Variants in SPATS2 observed in about 807,000 individuals in gnomAD.
SPATS2 encodes the protein spermatogenesis-associated serine-rich protein 2.
SPATS2 carries 38 observed loss-of-function variants against 63.7 expected under a neutral mutation model. That is an observed-to-expected ratio of 0.60 (90% CI 0.46 to 0.78). SPATS2 has a LOEUF of 0.78. SPATS2 is among the 30% of genes least tolerant of loss of function. The pLI is 0.00. For synonymous variants in SPATS2, 207 were observed against 232.9 expected (o/e 0.89, Z 1.01); for missense variants, 588 against 666.2 (o/e 0.88, Z 1.29).
At chr12:49,415,848 A>G (rs890270402) in intron 2 of SPATS2, among the ~76,000 whole-genome samples, 3 of 152,176 alleles carry the variant, frequency 2.0e-5, no homozygotes, top group African/African-American at 7.2e-5. Context: ...AACAGGCAGC[A>G]GGTTGAATTT....
chr12:49,399,494 C>T (rs1944568277), intron 2 of SPATS2, among the ~76,000 whole-genome samples: 1 of 152,148 alleles, frequency 6.6e-6, no homozygotes, highest in East Asian at 1.9e-4. Flanking sequence ...GAAGTAAACC[C>T]ACCATACAGA....
Position 49,473,277 on chromosome 12 carries a change from G to A in SPATS2, c.26-11313G>A, listed in dbSNP as rs12296505. ...CTAAAAATAAAAAAATTAGCTGGAC[G>A]TGGTAACATATGCCTGTAATCCCAG... On this transcript the variant is annotated intron_variant, in intron 3 of 13. Transcript: ENST00000552918. Among the ~76,000 whole-genome samples the A allele has an allele frequency of 5.5e-3, 834 of 152,088 alleles. 5 individuals carry two copies. The highest frequency in any genetic ancestry group is 0.019 in the African/African-American group (800 of 41,474).
At chr12:49,442,237 T>C (rs1945431550) in intron 2 of SPATS2, among the ~76,000 whole-genome samples, 1 of 152,188 alleles carries the variant, frequency 6.6e-6, no homozygotes, top group South Asian at 2.1e-4. Flanking sequence ...AAAAATCACT[T>C]ACACTTAATA....
At position 49,519,182 on chromosome 12, in the gene SPATS2, G is replaced by A. The variant is rs750861912; in HGVS notation, c.1008G>A (p.Lys336=). 1.2e-6 allele frequency: 2 copies of A among 1,610,322 alleles called. No individual in the cohort carries two copies. Among genetic ancestry groups the A allele is most frequent in the Non-Finnish European group, 1.7e-6 (2 of 1,178,238 alleles). The change falls in exon 11 of 14, where the codon AAG becomes AAA. Residue 336 remains lysine, a splice_region_variant and synonymous_variant. Transcript: ENST00000552918. ...QQLVELRADI[K]HFVSERKYDE... ...TGGTTGAGCTCAGAGCTGATATCAA[G>A]GTAAAACTTCTTTCTGCTTTCTGCC... is the stretch of plus-strand genomic sequence containing the variant.
intron 9 of SPATS2, among the ~76,000 whole-genome samples, chr12:49,505,655 G>A (rs57970210): frequency 0.014 from 2,121 of 152,142 alleles, 47 homozygotes; most frequent in African/African-American, 0.047. Context: ...ATATTTTACT[G>A]AACATGTTCA....
chr12:49,389,895 A>G (rs1944390289), intron 2 of SPATS2: 1 of 821,010 alleles, frequency 1.2e-6, no homozygotes, highest in Non-Finnish European at 2.2e-6. Flanking sequence ...AATGAAGTTA[A>G]CAAAAGCAGC....
At chr12:49,429,270 A>T (rs1387344418) in intron 2 of SPATS2, among the ~76,000 whole-genome samples, 8 of 152,214 alleles carry the variant, frequency 5.3e-5, no homozygotes, top group Admixed American at 5.2e-4. Flanking sequence ...TTTTATTAAA[A>T]AAATTAATTG....
chr12:49,490,657 A>T, intron 5 of SPATS2, 25 bp from the exon 6 acceptor site: 1 of 1,612,474 alleles, frequency 6.2e-7, no homozygotes, highest in Non-Finnish European at 8.5e-7. Flanking sequence ...TAGGAGACAA[A>T]ATCTGTAATT....
chr12:49,377,384 A>G (rs1944127189), intron 2 of SPATS2, among the ~76,000 whole-genome samples: 1 of 152,208 alleles, frequency 6.6e-6, no homozygotes, highest in Admixed American at 6.5e-5. Context: ...GCCTGATGAA[A>G]AAGCTTCTGA....
At chr12:49,463,129 G>C (rs1308091844) in intron 3 of SPATS2, 1 of 151,898 alleles carries the variant, frequency 6.6e-6, no homozygotes, top group East Asian at 1.9e-4. Flanking sequence ...ACATAGGCCG[G>C]GTCTGGTGGC....
At chr12:49,518,764 A>G (rs532326886) in intron 10 of SPATS2, among the ~76,000 whole-genome samples, 129 of 152,356 alleles carry the variant, frequency 8.5e-4, no homozygotes, top group African/African-American at 2.8e-3. Context: ...CTTACTCTAG[A>G]TGAATATTTT....
At chr12:49,416,564 T>C (rs1034945985) in intron 2 of SPATS2, among the ~76,000 whole-genome samples, 8 of 152,130 alleles carry the variant, frequency 5.3e-5, no homozygotes, top group Non-Finnish European at 8.8e-5. Flanking sequence ...CTCAGCTCAC[T>C]GTAACCTCCG....
chr12:49,372,076 T>C (rs1944008225), intron 2 of SPATS2, among the ~76,000 whole-genome samples: 1 of 151,976 alleles, frequency 6.6e-6, no homozygotes, highest in South Asian at 2.1e-4. Context: ...GAGACAGTCT[T>C]GTTCTGTCGC....
intron 2 of SPATS2, among the ~76,000 whole-genome samples, chr12:49,372,083 T>C (rs975165623): frequency 6.6e-6 from 1 of 152,110 alleles, no homozygotes; most frequent in Non-Finnish European, 1.5e-5. Context: ...TCTTGTTCTG[T>C]CGCCCAGGCT....
At chr12:49,488,836 C>A (rs1349620825) in intron 4 of SPATS2, among the ~76,000 whole-genome samples, 3 of 151,942 alleles carry the variant, frequency 2.0e-5, no homozygotes, top group Non-Finnish European at 2.9e-5. Flanking sequence ...TGCAAAAGCA[C>A]GTATGGAAAT....
intron 2 of SPATS2, among the ~76,000 whole-genome samples, chr12:49,401,336 T>C (rs1198006951): frequency 3.3e-5 from 5 of 152,136 alleles, no homozygotes. Flanking sequence ...AAAGCCACAT[T>C]TAGCTGCATG....
At position 49,455,113 on chromosome 12, in the gene SPATS2, A is replaced by T. The variant is rs11836969; in HGVS notation, c.-243-5657A>T. 7.5e-3 allele frequency among the ~76,000 whole-genome samples: 1,147 copies of T among 152,146 alleles called. 10 individuals carry two copies. The highest frequency in any genetic ancestry group is 0.026 in the African/African-American group (1,075 of 41,490). ...GGTTTTGTTTTTTTAATTAAAAAAAATTTTAAAGTCTGGCTTGCTGAAGTT... is the reference window on the plus strand; with the variant it reads ...GGTTTTGTTTTTTTAATTAAAAAAATTTTTAAAGTCTGGCTTGCTGAAGTT... On this transcript the variant is annotated intron_variant, in intron 2 of 13. Transcript: ENST00000552918.
Position 49,519,086 on chromosome 12 carries a change from C to T in SPATS2, c.912C>T (p.Leu304=). Residue 304 remains leucine, a synonymous_variant, in exon 11 of 14, where the codon CTC becomes CTT. Transcript: ENST00000552918. The part of the protein sequence containing the change: ...KVKAEAMEIL[L]SRQKKAELLK... Reference sequence around the variant, plus strand: ...TTTCCTCTACAGTGGAAATTTTGCTCAGCCGACAAAAGAAGGCTGAACTTC... The same window carrying T: ...TTTCCTCTACAGTGGAAATTTTGCTTAGCCGACAAAAGAAGGCTGAACTTC... The T allele has an allele frequency of 1.2e-6, 2 of 1,613,542 alleles. No individual in the cohort carries two copies. The highest frequency in any genetic ancestry group is 1.7e-5 in the Admixed American group (1 of 59,932).
At chr12:49,377,674 T>C (rs1162373868) in intron 2 of SPATS2, among the ~76,000 whole-genome samples, 2 of 152,210 alleles carry the variant, frequency 1.3e-5, no homozygotes. Flanking sequence ...CCAGTATTGA[T>C]AGTATAGTTA....
Sources: allele counts gnomAD v4.1 joint callset (sites outside exome capture counted in the v4.1 genomes callset), GRCh38; gene constraint gnomAD v4.1.1; transcripts MANE v1.5; gene names NCBI Gene and HGNC (gene_info 2026-07-23, HGNC 2026-07-21).